Variants in APOL2 observed in about 807,000 individuals in gnomAD.
The protein encoded by APOL2 is apolipoprotein L, 2.
In APOL2, 8 loss-of-function variants were observed where a neutral mutation model predicts 7.1. That is an observed-to-expected ratio of 1.12 (90% CI 0.66 to 2.03). APOL2 has a LOEUF of 2.03. Ranked by LOEUF, APOL2 falls within the 30% of genes most tolerant of loss-of-function variation. The probability of loss-of-function intolerance (pLI) is 0.00; values close to 1 mark genes in which losing one functional copy is unlikely to be tolerated. For synonymous variants in APOL2, 177 were observed against 159.9 expected (o/e 1.11, Z -0.81); for missense variants, 471 against 415.1 (o/e 1.13, Z -1.17).
In APOL2 at chr22:36,227,495, T is replaced by C; in HGVS notation, c.923A>G (p.Glu308Gly). 1 of 1,614,162 alleles carries C rather than the reference T, an allele frequency of 6.2e-7. No individual in the cohort carries two copies. Among genetic ancestry groups the C allele is most frequent in the Non-Finnish European group, 8.5e-7 (1 of 1,180,022 alleles). ...LLEGAKSESA[E>G]ELKKRAQELE... Reference sequence around the variant, plus strand: ...CTCCTGAGCCCGCTTCTTCAGCTCCTCAGCTGACTCTGACTTTGCCCCCTC... The same window carrying C: ...CTCCTGAGCCCGCTTCTTCAGCTCCCCAGCTGACTCTGACTTTGCCCCCTC... Residue 308 changes from glutamate to glycine, a missense_variant, in exon 5 of 5, where the codon GAG becomes GGG. Coordinates refer to ENST00000358502, the MANE Select transcript of APOL2 (RefSeq NM_030882.4).
At chr22:36,236,747 T>C in intron 1 of APOL2, 1 of 1,033,746 alleles carries the variant, frequency 9.7e-7, no homozygotes, top group Non-Finnish European at 1.2e-6. Context: ...CTCTTTCCAC[T>C]TCCCACCTCT....
chr22:36,237,462 G>T, intron 1 of APOL2: 1 of 949,976 alleles, frequency 1.1e-6, no homozygotes, highest in Non-Finnish European at 1.3e-6. Flanking sequence ...AGTCTGGAGT[G>T]CTTTGGGGCT....
rs1225628827 is a variant in APOL2 at position 36,227,642 on chromosome 22, C to T, written c.776G>A (p.Arg259Lys). 5 of 1,614,132 alleles carry T rather than the reference C, an allele frequency of 3.1e-6. No individual in the cohort carries two copies. Among genetic ancestry groups the T allele is most frequent in the Admixed American group, 1.7e-5 (1 of 60,008 alleles). The change falls in exon 5 of 5, where the codon AGG (arginine) becomes AAG (lysine). Residue 259 changes from arginine to lysine, a missense_variant. Arg to Lys is a conservative substitution (Grantham distance 26). Coordinates refer to ENST00000358502, the MANE Select transcript of APOL2 (RefSeq NM_030882.4). ...TGCCTGGGCGGGGCCTTCAACAACC[C>T]TCTCAACCTGTTCACCGCCTTCAGC... ...ISAEGGEQVE[R>K]VVEGPAQAMS...
rs185703759 is a variant in APOL2 at position 36,235,061 on chromosome 22, C to G, written c.-133-1606G>C. ...ACTGAATAAAGAGGGGTGAAGGGAGCTGTGAACCACAGCAATGCCAAGAGG... is the reference window on the plus strand; with the variant it reads ...ACTGAATAAAGAGGGGTGAAGGGAGGTGTGAACCACAGCAATGCCAAGAGG... On this transcript the variant is annotated intron_variant, in intron 1 of 4. Transcript: ENST00000358502. Among the ~76,000 whole-genome samples the G allele has an allele frequency of 3.3e-5, 5 of 152,340 alleles. No homozygotes were observed. In the East Asian group the frequency reaches 9.6e-4, roughly 29 times the overall value.
chr22:36,231,652 G>A (rs111590311), intron 3 of APOL2, among the ~76,000 whole-genome samples, 186 bp from the exon 4 acceptor site: 5 of 152,254 alleles, frequency 3.3e-5, no homozygotes, highest in Middle Eastern at 3.4e-3. Context: ...CCCTAAACTC[G>A]AGTGACTATA....
chr22:36,239,340 T>A, intron 1 of APOL2, 101 bp downstream of exon 1: 1 of 1,379,794 alleles, frequency 7.2e-7, no homozygotes, highest in South Asian at 1.5e-5. Flanking sequence ...ACCAGCTACC[T>A]AACCTCTCTG....
intron 4 of APOL2, among the ~76,000 whole-genome samples, chr22:36,229,009 C>T (rs1423420191): frequency 5.9e-5 from 9 of 152,194 alleles, no homozygotes; most frequent in Non-Finnish European, 1.2e-4. Context: ...CAGCTGGGCT[C>T]TTCAGAGCTT....
intron 1 of APOL2, chr22:36,237,120 C>A: frequency 6.5e-7 from 1 of 1,533,274 alleles, no homozygotes; most frequent in Non-Finnish European, 8.8e-7. Flanking sequence ...CATTGTTGGC[C>A]TGGCTCCCAC....
At chr22:36,238,610 C>A (rs920679138) in intron 1 of APOL2, among the ~76,000 whole-genome samples, 2 of 152,188 alleles carry the variant, frequency 1.3e-5, no homozygotes, top group African/African-American at 4.8e-5. Context: ...GAGACCTAAG[C>A]TCTCACTCCT....
rs777449669 is a variant in APOL2 at position 36,237,041 on chromosome 22, A to G, written c.-134+2400T>C. On this transcript the variant is annotated intron_variant, in intron 1 of 4. Coordinates refer to ENST00000358502, the MANE Select transcript of APOL2 (RefSeq NM_030882.4). ...AGGGAGAAGAGGAGCAGGAGGGCAG[A>G]CAGAGCTGGGGCCTCGGACCTGCCC... The G allele has an allele frequency of 3.4e-6, 5 of 1,458,280 alleles. No homozygotes were observed. The Admixed American group carries it at 7.3e-5, about 21-fold the overall frequency. 90.3% of individuals were successfully genotyped at this position (1,458,280 alleles called of 1,614,324 possible).
Position 36,238,202 on chromosome 22 carries a change from G to A in APOL2, c.-134+1239C>T, listed in dbSNP as rs958192037. 7.9e-5 allele frequency among the ~76,000 whole-genome samples: 12 copies of A among 152,326 alleles called. No homozygotes were observed. In the East Asian group the frequency reaches 2.3e-3, roughly 29 times the overall value. On this transcript the variant is annotated intron_variant, in intron 1 of 4. Transcript: ENST00000358502. ...CCCTCCGCCCTCCCTGGCACAGCCT[G>A]GCTGAAATCCCAGGTGCAGGAGGCA...
intron 1 of APOL2, among the ~76,000 whole-genome samples, chr22:36,238,006 T>C (rs949767913): frequency 6.6e-6 from 1 of 152,164 alleles, no homozygotes; most frequent in Non-Finnish European, 1.5e-5. Context: ...CAAAGCTGCC[T>C]GGTCCATGCG....
intron 1 of APOL2, chr22:36,236,983 A>G: frequency 7.3e-7 from 1 of 1,377,856 alleles, no homozygotes. Context: ...TCTCAACGCC[A>G]TCTCATGAGC....
At position 36,227,692 on chromosome 22, in the gene APOL2, G is replaced by A. The variant is rs1346896953; in HGVS notation, c.726C>T (p.Pro242=). 13 of 1,614,146 alleles carry A rather than the reference G, an allele frequency of 8.1e-6. No homozygotes were observed. Among genetic ancestry groups the A allele is most frequent in the Admixed American group, 1.7e-5 (1 of 60,014 alleles). ...CTGAGATTCGCCCAATGACATGCGG[G>A]GGTGGGGCATACGCTCCTAACTGAG... ...ANPQLGAYAP[P]PHVIGRISAE... The change falls in exon 5 of 5, where the codon CCC becomes CCT. Residue 242 remains proline, a synonymous_variant. Coordinates refer to ENST00000358502, the MANE Select transcript of APOL2 (RefSeq NM_030882.4).
intron 1 of APOL2, among the ~76,000 whole-genome samples, chr22:36,235,752 GGT>G (rs1182732426): frequency 7.2e-5 from 8 of 111,572 alleles, no homozygotes; most frequent in Admixed American, 3.9e-4. Flanking sequence ...AGGGTGGGTG[GGT>G]GGGTGTGTGT....
At position 36,227,749 on chromosome 22, in the gene APOL2, G is replaced by A; in HGVS notation, c.669C>T (p.Asn223=). The A allele has an allele frequency of 6.2e-7, 1 of 1,614,246 alleles. No homozygotes were observed. The highest frequency in any genetic ancestry group is 2.2e-5 in the East Asian group (1 of 44,896). ...CTCTGGCTCGTCTGATGGCACGGAT[G>A]TTCCTCCCAATCCCTTGTGTGACTT... ...WYQVTQGIGR[N]IRAIRRARAN... The change falls in exon 5 of 5, where the codon AAC becomes AAT. Residue 223 remains asparagine (N), a synonymous_variant. Transcript: ENST00000358502.
chr22:36,239,103 T>G (rs1414497846), intron 1 of APOL2: 12 of 1,159,226 alleles, frequency 1.0e-5, no homozygotes, highest in Non-Finnish European at 1.1e-5. Flanking sequence ...TTCCTTCAAA[T>G]TTCCCAAAGA....
chr22:36,238,213 C>A (rs868277819), intron 1 of APOL2, among the ~76,000 whole-genome samples: 17 of 152,212 alleles, frequency 1.1e-4, no homozygotes, highest in African/African-American at 3.6e-4. Context: ...GCTGAAATCC[C>A]AGGTGCAGGA....
intron 4 of APOL2, 43 bp downstream of exon 4, chr22:36,231,297 G>T: frequency 1.9e-6 from 3 of 1,603,972 alleles, no homozygotes; most frequent in Non-Finnish European, 2.6e-6. Context: ...GATCTGAGTG[G>T]CATCGCTGGG....
Sources: gnomAD v4.1 joint callset for allele counts (sites outside exome capture counted in the v4.1 genomes callset) on GRCh38, gnomAD v4.1.1 for gene constraint, MANE v1.5 for transcripts, NCBI Gene and HGNC (gene_info 2026-07-23, HGNC 2026-07-21) for gene names.